CWC27: variants seen among roughly 807,000 people sequenced by gnomAD.
CWC27 encodes spliceosome-associated protein CWC27 homolog.
CWC27 carries 47 observed loss-of-function variants against 63.6 expected under a neutral mutation model. The ratio of observed to expected loss-of-function variants is 0.74; its 90% CI spans 0.58 to 0.94. CWC27 has a LOEUF of 0.94. Ranked by LOEUF, CWC27 falls within the 40% of genes least tolerant of loss-of-function variation. The pLI, the probability that CWC27 is intolerant of heterozygous loss-of-function variation, is 0.00. For missense variants in CWC27, 495 were observed against 554.3 expected, an observed-to-expected ratio of 0.89 and a Z score of 1.07; for synonymous variants, 175 against 179.8, an observed-to-expected ratio of 0.97 and a Z score of 0.22.
chr5:64,782,103 T>C, intron 3 of CWC27, 70 bp downstream of exon 3: 1 of 801,396 alleles, frequency 1.2e-6, no homozygotes, highest in Non-Finnish European at 1.9e-6. Flanking sequence ...TTTGGATTGC[T>C]TAATCGAAAA....
chr5:64,900,826 AC>A, intron 11 of CWC27, among the ~76,000 whole-genome samples: 1 of 152,328 alleles, frequency 6.6e-6, no homozygotes, highest in Non-Finnish European at 1.5e-5. Flanking sequence ...GTGTTCTTAC[AC>A]AAAGCTTACT....
At chr5:64,794,165 G>T (rs542816705) in intron 7 of CWC27, among the ~76,000 whole-genome samples, 60 of 152,228 alleles carry the variant, frequency 3.9e-4, no homozygotes, top group African/African-American at 1.3e-3. Flanking sequence ...AGGATTGCAT[G>T]ATAGGGAGAT....
chr5:64,848,503 G>A (rs576175330), intron 10 of CWC27, among the ~76,000 whole-genome samples: 1 of 152,282 alleles, frequency 6.6e-6, no homozygotes, highest in Non-Finnish European at 1.5e-5. Context: ...CAGCATTGCT[G>A]TGATACCAAA....
chr5:64,841,778 C>A (rs762918136), intron 10 of CWC27, among the ~76,000 whole-genome samples: 1 of 152,136 alleles, frequency 6.6e-6, no homozygotes, highest in Non-Finnish European at 1.5e-5. Context: ...TGGATTCAGG[C>A]GATTCTCCTG....
intron 10 of CWC27, among the ~76,000 whole-genome samples, chr5:64,873,408 T>C (rs1746724319): frequency 6.6e-6 from 1 of 152,044 alleles, no homozygotes; most frequent in Non-Finnish European, 1.5e-5. Context: ...TAAATAGTAG[T>C]TCCTTTTCTA....
chr5:64,922,929 G>T (rs1162538460), intron 11 of CWC27, among the ~76,000 whole-genome samples: 1 of 152,162 alleles, frequency 6.6e-6, no homozygotes, highest in African/African-American at 2.4e-5. Flanking sequence ...CTCTAACCCT[G>T]GGTGGCTGGG....
intron 13 of CWC27, among the ~76,000 whole-genome samples, chr5:64,999,232 C>G (rs1256893878): frequency 6.6e-6 from 1 of 151,876 alleles, no homozygotes; most frequent in East Asian, 1.9e-4. Context: ...TTATTTCTCC[C>G]CCTCCCTTTT....
At chr5:64,816,552 T>G (rs1038383505) in intron 10 of CWC27, among the ~76,000 whole-genome samples, 1 of 152,156 alleles carries the variant, frequency 6.6e-6, no homozygotes, top group Non-Finnish European at 1.5e-5. Context: ...GCACACAGAT[T>G]TGATGACTTG....
intron 10 of CWC27, among the ~76,000 whole-genome samples, chr5:64,821,677 G>A (rs1246740317): frequency 6.6e-6 from 1 of 152,160 alleles, no homozygotes; most frequent in African/African-American, 2.4e-5. Flanking sequence ...GGATCAGAGT[G>A]GTATTGCAAA....
chr5:64,937,718 G>T (rs1469348035), intron 11 of CWC27, among the ~76,000 whole-genome samples: 3 of 152,100 alleles, frequency 2.0e-5, no homozygotes, highest in African/African-American at 7.2e-5. Context: ...CTATTATTAT[G>T]TGGGAGTCTA....
At chr5:64,964,732 G>C (rs1748981298) in intron 11 of CWC27, among the ~76,000 whole-genome samples, 1 of 152,180 alleles carries the variant, frequency 6.6e-6, no homozygotes, top group Non-Finnish European at 1.5e-5. Context: ...GAATTAGGCA[G>C]ATTAATAGAC....
chr5:64,872,493 A>G (rs911956741), intron 10 of CWC27, among the ~76,000 whole-genome samples: 1 of 152,222 alleles, frequency 6.6e-6, no homozygotes, highest in Admixed American at 6.5e-5. Flanking sequence ...GCCATTTTAT[A>G]TAATTTTGAT....
At position 65,018,151 on chromosome 5, in the gene CWC27, CT is replaced by C. The variant is rs745904241; in HGVS notation, c.1257-7del. 110 of 1,581,314 alleles carry C rather than the reference CT, an allele frequency of 7.0e-5. 1 individual carries two copies. Among genetic ancestry groups the C allele is most frequent in the Admixed American group, 1.5e-4 (8 of 51,782 alleles). On this transcript the variant is annotated splice_polypyrimidine_tract_variant and splice_region_variant and intron_variant, in intron 13 of 13. Coordinates refer to ENST00000381070, the MANE Select transcript of CWC27 (RefSeq NM_005869.4). Reference sequence around the variant, plus strand: ...AGAAATCACTGAACCATCTCTCTCCCTATTTAGGATGTCACATGTACTTCAG... The same window carrying C: ...AGAAATCACTGAACCATCTCTCTCCCATTTAGGATGTCACATGTACTTCAG...
intron 10 of CWC27, among the ~76,000 whole-genome samples, chr5:64,862,926 C>A (rs1389772786): frequency 3.9e-5 from 6 of 152,172 alleles, no homozygotes; most frequent in Admixed American, 3.9e-4. Flanking sequence ...GGATAAGAAA[C>A]CTTTCTGGGA....
At chr5:64,871,831 G>A (rs1228047175) in intron 10 of CWC27, among the ~76,000 whole-genome samples, 1 of 152,106 alleles carries the variant, frequency 6.6e-6, no homozygotes, top group African/African-American at 2.4e-5. Flanking sequence ...AAGGCAGTAA[G>A]AAAAGGCAAA....
rs542443344 is a variant in CWC27, at chr5:64,829,781, T to C, written c.938+25395T>C. Among the ~76,000 whole-genome samples, 106 of 151,802 alleles carry C rather than the reference T, an allele frequency of 7.0e-4. 1 individual carries two copies. The highest frequency in any genetic ancestry group is 2.5e-3 in the African/African-American group (103 of 41,404). On this transcript the variant is annotated intron_variant, in intron 10 of 13. Transcript: ENST00000381070. The stretch of plus-strand genomic sequence containing the variant: ...CTACATTAGGTATTTCTTCTAATGC[T>C]ATCCCTCCCCTAGCCTCCCACCCCT...
At chr5:64,820,717 G>C (rs933373365) in intron 10 of CWC27, among the ~76,000 whole-genome samples, 2 of 151,984 alleles carry the variant, frequency 1.3e-5, no homozygotes, top group African/African-American at 4.8e-5. Context: ...TGGAATAATT[G>C]GAGATCTATG....
In CWC27 at chr5:64,913,664, AC is replaced by A. The variant is rs577282196; in HGVS notation, c.1042+28119del. 3.4e-4 allele frequency among the ~76,000 whole-genome samples: 52 copies of A among 152,226 alleles called. 2 individuals are homozygous for A. In the East Asian group the frequency reaches 8.9e-3, roughly 26 times the overall value. ...GAATTAATATACAGACATACAAGACACAGAACACTTTTAAGCCTTATTGAAT... is the reference window on the plus strand; with the variant it reads ...GAATTAATATACAGACATACAAGACAAGAACACTTTTAAGCCTTATTGAAT... On this transcript the variant is annotated intron_variant, in intron 11 of 13. Transcript: ENST00000381070.
intron 11 of CWC27, among the ~76,000 whole-genome samples, chr5:64,910,368 T>C (rs958180081): frequency 3.3e-5 from 5 of 152,210 alleles, no homozygotes; most frequent in African/African-American, 9.6e-5. Flanking sequence ...AGTCGGCCCC[T>C]ACTGGGAGGT....
Sources: gnomAD v4.1 joint callset for allele counts (sites outside exome capture counted in the v4.1 genomes callset) on GRCh38, gnomAD v4.1.1 for gene constraint, MANE v1.5 for transcripts, NCBI Gene and HGNC (gene_info 2026-07-23, HGNC 2026-07-21) for gene names.